ERBB4: variants seen among roughly 807,000 people sequenced by gnomAD.
ERBB4 encodes receptor tyrosine-protein kinase erbB-4.
ERBB4 carries 42 observed loss-of-function variants against 158.0 expected under a neutral mutation model. The observed-to-expected ratio is 0.27, with a 90% CI of 0.21 to 0.34. The LOEUF (loss-of-function observed/expected upper bound fraction) is 0.34. ERBB4 is among the 10% of genes least tolerant of loss of function. The pLI is 1.00. For missense variants in ERBB4, 1,333 were observed against 1,624.1 expected, an observed-to-expected ratio of 0.82 and a Z score of 3.08; for synonymous variants, 583 against 558.7, an observed-to-expected ratio of 1.04 and a Z score of -0.61.
chr2:211,481,921 G>T (rs1356119838), intron 20 of ERBB4, among the ~76,000 whole-genome samples: 1 of 152,118 alleles, frequency 6.6e-6, no homozygotes, highest in African/African-American at 2.4e-5. Flanking sequence ...TCAAGACATT[G>T]AATATCAGGC....
chr2:212,431,662 C>T (rs1560303299), intron 1 of ERBB4, among the ~76,000 whole-genome samples: 1 of 152,148 alleles, frequency 6.6e-6, no homozygotes, highest in Non-Finnish European at 1.5e-5. Context: ...CTTTCCTTCC[C>T]CTATTATTCT....
Position 212,325,333 on chromosome 2 carries a change from T to A in ERBB4, c.83-200430A>T, listed in dbSNP as rs1208395792. Among the ~76,000 whole-genome samples the A allele has an allele frequency of 2.0e-5, 3 of 150,550 alleles. No individual in the cohort carries two copies. In the East Asian group the frequency reaches 5.8e-4, roughly 29 times the overall value. ...CACTATAAATTTTGTCACTGTTCTA[T>A]TTGATTTGCTTATCTCTACAGTGAA... On this transcript the variant is annotated intron_variant, in intron 1 of 27. Transcript: ENST00000342788.
At chr2:212,367,874 A>G (rs1560128396) in intron 1 of ERBB4, among the ~76,000 whole-genome samples, 1 of 152,128 alleles carries the variant, frequency 6.6e-6, no homozygotes, top group Non-Finnish European at 1.5e-5. Context: ...AATCAAAACC[A>G]CAATGTGATA....
chr2:211,447,189 A>G (rs886455993), intron 20 of ERBB4, among the ~76,000 whole-genome samples: 4 of 152,128 alleles, frequency 2.6e-5, no homozygotes, highest in Non-Finnish European at 5.9e-5. Context: ...CCTTTATATG[A>G]CTTTACAGTA....
rs2125430557 is a variant in ERBB4 at position 211,431,086 on chromosome 2, C to G, written c.2502G>C (p.Leu834=). 1 of 1,613,744 alleles carries G rather than the reference C, an allele frequency of 6.2e-7. No homozygotes were observed. The highest frequency in any genetic ancestry group is 8.5e-7 in the Non-Finnish European group (1 of 1,179,766). The change falls in exon 21 of 28, where the codon CTG becomes CTC. Residue 834 remains leucine (L), a synonymous_variant. Coordinates refer to ENST00000342788, the MANE Select transcript of ERBB4 (RefSeq NM_005235.3). Reference sequence around the variant, plus strand: ...CCCGATGAACGAGTCGTCTTTCTTCCAGGTACATCATTCCCTGAAAAATAT... The same window carrying G: ...CCCGATGAACGAGTCGTCTTTCTTCGAGGTACATCATTCCCTGAAAAATAT... ...CVQIAKGMMY[L]EERRLVHRDL...
chr2:212,020,885 G>C (rs1458128192), intron 2 of ERBB4, among the ~76,000 whole-genome samples: 1 of 151,822 alleles, frequency 6.6e-6, no homozygotes, highest in Non-Finnish European at 1.5e-5. Flanking sequence ...TACTAAACAG[G>C]TTTTTGTTAT....
At chr2:211,715,230 G>A (rs111518807) in intron 7 of ERBB4, among the ~76,000 whole-genome samples, 2 of 152,294 alleles carry the variant, frequency 1.3e-5, no homozygotes, top group African/African-American at 4.8e-5. Context: ...GGAATCTGGT[G>A]CAAAGAATCC....
chr2:212,341,068 T>A (rs919606961), intron 1 of ERBB4, among the ~76,000 whole-genome samples: 1 of 152,046 alleles, frequency 6.6e-6, no homozygotes, highest in South Asian at 2.1e-4. Flanking sequence ...TTTAATCTTA[T>A]TGGAAATCCT....
intron 3 of ERBB4, among the ~76,000 whole-genome samples, chr2:211,893,432 C>T (rs1386375757): frequency 7.1e-6 from 1 of 140,656 alleles, no homozygotes; most frequent in Non-Finnish European, 1.5e-5. Flanking sequence ...AAGATTTAAA[C>T]GTTAGACCTA....
chr2:211,667,669 T>C (rs2105925164), intron 14 of ERBB4, among the ~76,000 whole-genome samples: 1 of 152,288 alleles, frequency 6.6e-6, no homozygotes, highest in African/African-American at 2.4e-5. Flanking sequence ...CATGCTGATG[T>C]CTTCTTGCAG....
rs956274347 is a variant in ERBB4, at chr2:211,378,846, T to C, written c.*4769A>G. The stretch of plus-strand genomic sequence containing the variant: ...CACAAACAGAGGCACAGTAAGATCC[T>C]CTGCCCACAGTATATACAGTAGAAG... On this transcript the variant is annotated 3_prime_UTR_variant, in exon 28 of 28. Transcript: ENST00000342788. The C allele has an allele frequency of 4.3e-6, 1 of 231,586 alleles. No homozygotes were observed. Among genetic ancestry groups the C allele is most frequent in the Admixed American group, 5.7e-5 (1 of 17,628 alleles). 14.3% of individuals were successfully genotyped at this position (231,586 alleles called of 1,614,324 possible).
chr2:212,026,438 A>G (rs181397346), intron 2 of ERBB4, among the ~76,000 whole-genome samples: 1 of 151,950 alleles, frequency 6.6e-6, no homozygotes, highest in African/African-American at 2.4e-5. Context: ...TACTTGTGAA[A>G]AGAATACTGA....
At chr2:211,554,662 T>C (rs1020186968) in intron 20 of ERBB4, among the ~76,000 whole-genome samples, 7 of 152,220 alleles carry the variant, frequency 4.6e-5, no homozygotes, top group Non-Finnish European at 1.0e-4. Flanking sequence ...TGTGCTGTTT[T>C]CCACTTTGTT....
chr2:211,742,308 C>T (rs1260350032), intron 5 of ERBB4, among the ~76,000 whole-genome samples: 1 of 152,150 alleles, frequency 6.6e-6, no homozygotes, highest in Non-Finnish European at 1.5e-5. Context: ...TATGTGTACG[C>T]ATGTGTGTGA....
chr2:211,780,376 TAAAC>T lies in ERBB4; in HGVS notation c.556+7645_556+7648del, dbSNP rs1164020808. Among the ~76,000 whole-genome samples the T allele has an allele frequency of 2.0e-5, 3 of 151,810 alleles. No homozygotes were observed. The East Asian group carries it at 5.8e-4, about 29-fold the overall frequency. ...AGACCCAGTCTAAAAAAATAAAAAA[TAAAC>T]AAAAGAAAAGAAAATAAAGATGTAT... is the stretch of plus-strand genomic sequence containing the variant. On this transcript the variant is annotated intron_variant, in intron 4 of 27. Transcript: ENST00000342788.
At chr2:212,366,695 T>G (rs1046932642) in intron 1 of ERBB4, among the ~76,000 whole-genome samples, 1 of 152,048 alleles carries the variant, frequency 6.6e-6, no homozygotes, top group African/African-American at 2.4e-5. Context: ...GATACTACAT[T>G]TTGAATAATA....
rs769463103 is a variant in ERBB4, at chr2:211,387,125, C to A, written c.3209G>T (p.Gly1070Val). Reference sequence around the variant, plus strand: ...AGACACTCCTTGTTCAGCAGCAAAACCTCCATCTCGGTATACAAACTGGTT... The same window carrying A: ...AGACACTCCTTGTTCAGCAGCAAAAACTCCATCTCGGTATACAAACTGGTT... ...SGNQFVYRDG[G>V]FAAEQGVSVP... Residue 1070 changes from glycine (G) to valine (V), a missense_variant, in exon 27 of 28, where the codon GGT becomes GTT. By Grantham distance (109) the Gly-to-Val change is moderately radical. Transcript: ENST00000342788. The A allele has an allele frequency of 6.2e-7, 1 of 1,613,856 alleles. No homozygotes were observed. Among genetic ancestry groups the A allele is most frequent in the Non-Finnish European group, 8.5e-7 (1 of 1,179,780 alleles).
intron 3 of ERBB4, among the ~76,000 whole-genome samples, chr2:211,838,076 G>C (rs931077424): frequency 1.3e-5 from 2 of 152,032 alleles, no homozygotes; most frequent in Non-Finnish European, 2.9e-5. Flanking sequence ...TGTGAAATCA[G>C]AGTGAAAAAG....
intron 20 of ERBB4, among the ~76,000 whole-genome samples, chr2:211,552,439 T>G (rs2067123481): frequency 6.6e-6 from 1 of 152,158 alleles, no homozygotes; most frequent in Non-Finnish European, 1.5e-5. Flanking sequence ...GGAAGAAGTT[T>G]AAGTTGAGTA....
Sources: gnomAD v4.1 joint callset for allele counts (sites outside exome capture counted in the v4.1 genomes callset) on GRCh38, gnomAD v4.1.1 for gene constraint, MANE v1.5 for transcripts, NCBI Gene and HGNC (gene_info 2026-07-23, HGNC 2026-07-21) for gene names.